Variants in RNPEPL1 observed in about 807,000 individuals in gnomAD.
RNPEPL1 encodes aminopeptidase RNPEPL1.
RNPEPL1 carries 46 observed loss-of-function variants against 69.0 expected under a neutral mutation model. The ratio of observed to expected loss-of-function variants is 0.67; its 90% CI spans 0.53 to 0.85. RNPEPL1 has a LOEUF of 0.85. RNPEPL1 is among the 40% of genes least tolerant of loss of function. The pLI, the probability that RNPEPL1 is intolerant of heterozygous loss-of-function variation, is 0.00. For missense variants in RNPEPL1, 869 were observed against 992.5 expected (o/e 0.88, Z 1.67); for synonymous variants, 525 against 454.1 (o/e 1.16, Z -1.98).
chr2:240,572,288 C>A, intron 1 of RNPEPL1, 135 bp from the exon 2 acceptor site: 1 of 1,049,976 alleles, frequency 9.5e-7, no homozygotes, highest in Non-Finnish European at 1.4e-6. Flanking sequence ...TGGCTATTGG[C>A]CCTCGAACCC....
chr2:240,572,254 G>T (rs2125448788), intron 1 of RNPEPL1, among the ~76,000 whole-genome samples, 169 bp from the exon 2 acceptor site: 1 of 152,342 alleles, frequency 6.6e-6, no homozygotes, highest in South Asian at 2.1e-4. Flanking sequence ...TCCCTGCCCA[G>T]GCAGGCAAGT....
At position 240,568,918 on chromosome 2, in the gene RNPEPL1, C is replaced by A. The variant is rs904769163; in HGVS notation, c.332C>A (p.Pro111Gln). ...GCCTTCGCCTTCTCCGCCCCCGGGCCGGGGCCCGCGCCGCCGCCCCCGCTG... is the reference window on the plus strand; with the variant it reads ...GCCTTCGCCTTCTCCGCCCCCGGGCAGGGGCCCGCGCCGCCGCCCCCGCTG... ...PCAFAFSAPG[P>Q]GPAPPPPLPA... The change falls in exon 1 of 11, where the codon CCG becomes CAG. Residue 111 changes from proline (P) to glutamine (Q), a missense_variant. Transcript: ENST00000270357. This position sits in a 1 kb window ranked among gnomAD's most constrained non-coding sequence, Gnocchi z 6.2. The A allele has an allele frequency of 2.0e-4, 255 of 1,301,166 alleles. 1 individual carries two copies. The highest frequency in any genetic ancestry group is 2.4e-4 in the Non-Finnish European group (245 of 1,030,708). 80.6% of individuals were successfully genotyped at this position (1,301,166 alleles called of 1,614,324 possible). A position where few individuals can be genotyped will look rare whatever the true frequency, so the allele number is the denominator to read the frequency against.
chr2:240,568,578 C>A lies in RNPEPL1; in HGVS notation c.-9C>A. ...CGCCGCCCATGGATTTCACCTAGTG[C>A]CGGCGGCCATGGCCGCGCAGTGCTG... On this transcript the variant is annotated 5_prime_UTR_variant, in exon 1 of 11. Coordinates refer to ENST00000270357, the MANE Select transcript of RNPEPL1 (RefSeq NM_018226.6). The surrounding 1 kb of genome is among the most constrained non-coding windows in gnomAD (Gnocchi z 6.2). 1.0e-6 allele frequency: 1 copy of A among 979,602 alleles called. No individual in the cohort carries two copies. Among genetic ancestry groups the A allele is most frequent in the Non-Finnish European group, 1.2e-6 (1 of 827,506 alleles). The allele number at this position is 979,602 out of a possible 1,614,324, so 60.7% of individuals were successfully genotyped here.
Position 240,575,123 on chromosome 2 carries a change from G to A in RNPEPL1, c.1382G>A (p.Arg461His), listed in dbSNP as rs754035762. 103 of 1,613,486 alleles carry A rather than the reference G, an allele frequency of 6.4e-5. No individual in the cohort carries two copies. Among genetic ancestry groups the A allele is most frequent in the South Asian group, 5.6e-4 (51 of 91,082 alleles). ...TCCCAGCTCTGCGGAGACCCACAGC[G>A]CTTTGATGACTTTCTCCGAGTGAGC... ...YLSQLCGDPQ[R>H]FDDFLRAYVE... is the part of the protein sequence containing the mutation. Residue 461 changes from arginine to histidine, a missense_variant, in exon 7 of 11, where the codon CGC (arginine) becomes CAC (histidine). Arg to His is a conservative substitution (Grantham distance 29). This residue lies in a region of RNPEPL1 where 610 missense variants were observed against 790.9 expected (regional missense o/e 0.77). Transcript: ENST00000270357.
chr2:240,575,663 CG>C lies in RNPEPL1; in HGVS notation c.1510+57del, dbSNP rs1559417493. The C allele has an allele frequency of 1.4e-5, 20 of 1,448,818 alleles. No homozygotes were observed. The African/African-American group carries it at 2.4e-4, about 17-fold the overall frequency. The allele number at this position is 1,448,818 out of a possible 1,614,324, so 89.7% of individuals were successfully genotyped here. A position where few individuals can be genotyped will look rare whatever the true frequency, so the allele number is the denominator to read the frequency against. ...AGGGAGCCGTGGGTATGATGGCAGG[CG>C]GGGCCTCTGCTGCCTGAGGGGCCAC... is the stretch of plus-strand genomic sequence containing the variant. On this transcript the variant is annotated intron_variant, in intron 8 of 10. Coordinates refer to ENST00000270357, the MANE Select transcript of RNPEPL1 (RefSeq NM_018226.6).
intron 1 of RNPEPL1, among the ~76,000 whole-genome samples, chr2:240,570,365 G>A (rs577978489): frequency 1.3e-5 from 2 of 152,226 alleles, no homozygotes; most frequent in Non-Finnish European, 2.9e-5. Context: ...CCAAGTCTGC[G>A]TGGTGTCAGG....
intron 7 of RNPEPL1, 45 bp from the exon 8 acceptor site, chr2:240,575,457 G>GC (rs2093034867): frequency 6.5e-7 from 1 of 1,540,294 alleles, no homozygotes; most frequent in Non-Finnish European, 9.0e-7. Flanking sequence ...GGCTGCCTGT[G>GC]CCCCACCCTT....
At chr2:240,569,290 C>G in intron 1 of RNPEPL1, 176 bp downstream of exon 1, 1 of 658,030 alleles carries the variant, frequency 1.5e-6, no homozygotes, top group Non-Finnish European at 2.3e-6. Flanking sequence ...GGATAGAAGC[C>G]GGAGTCCTGC....
intron 7 of RNPEPL1, 63 bp downstream of exon 7, chr2:240,575,205 C>A: frequency 7.7e-7 from 1 of 1,306,558 alleles, no homozygotes; most frequent in Non-Finnish European, 1.1e-6. Context: ...CCCCGGCTCA[C>A]AGGGCTGCCT....
Position 240,573,224 on chromosome 2 carries a change from G to T in RNPEPL1, c.784G>T (p.Val262Leu). Residue 262 changes from valine to leucine, a missense_variant, in exon 3 of 11, where the codon GTG (valine) becomes TTG (leucine). By Grantham distance (32) the Val-to-Leu change is conservative (BLOSUM62 1). This residue lies in a region of RNPEPL1 where 610 missense variants were observed against 790.9 expected (regional missense o/e 0.77). Transcript: ENST00000270357. ...HPVPAYLVALVAGDLKPADIG... is the reference protein window; with the variant it reads ...HPVPAYLVALLAGDLKPADIG... ...CGTGCCCGCCTACCTCGTGGCCCTG[G>T]TGGCCGGAGACCTCAAGCCGGCAGA... 6.3e-7 allele frequency: 1 copy of T among 1,575,692 alleles called. No individual in the cohort carries two copies. Among genetic ancestry groups the T allele is most frequent in the Non-Finnish European group, 8.6e-7 (1 of 1,161,056 alleles).
At position 240,574,358 on chromosome 2, in the gene RNPEPL1, G is replaced by T; in HGVS notation, c.1174+10G>T. 6.3e-7 allele frequency: 1 copy of T among 1,591,424 alleles called. No homozygotes were observed. Among genetic ancestry groups the T allele is most frequent in the South Asian group, 1.1e-5 (1 of 90,452 alleles). ...ACCACCGAGACCTACGGTGCGGCCAGGGCCGGGGAGGGCAGCCACGGGGGG... is the reference window on the plus strand; with the variant it reads ...ACCACCGAGACCTACGGTGCGGCCATGGCCGGGGAGGGCAGCCACGGGGGG... On this transcript the variant is annotated intron_variant, in intron 5 of 10. Transcript: ENST00000270357.
chr2:240,575,429 C>A, intron 7 of RNPEPL1, 73 bp from the exon 8 acceptor site: 2 of 1,293,274 alleles, frequency 1.5e-6, no homozygotes, highest in Non-Finnish European at 2.2e-6. Flanking sequence ...CCTGCAGTGC[C>A]CTGCAGGCCT....
Position 240,578,660 on chromosome 2 carries a change from G to C in RNPEPL1, c.*768G>C, listed in dbSNP as rs2093045279. 6.6e-6 allele frequency: 1 copy of C among 152,490 alleles called. No homozygotes were observed. 9.4% of individuals were successfully genotyped at this position (152,490 alleles called of 1,614,324 possible). On this transcript the variant is annotated 3_prime_UTR_variant, in exon 11 of 11. Transcript: ENST00000270357. Reference sequence around the variant, plus strand: ...CTGGGAGAGGCGGCCAGAGCCTGGGGCCTCCAGCCTGGGACTGCTGTGATG... The same window carrying C: ...CTGGGAGAGGCGGCCAGAGCCTGGGCCCTCCAGCCTGGGACTGCTGTGATG...
Position 240,574,356 on chromosome 2 carries a change from C to T in RNPEPL1, c.1174+8C>T. 1 of 1,594,868 alleles carries T rather than the reference C, an allele frequency of 6.3e-7. No individual in the cohort carries two copies. Among genetic ancestry groups the T allele is most frequent in the Non-Finnish European group, 8.5e-7 (1 of 1,174,992 alleles). The stretch of plus-strand genomic sequence containing the variant: ...TCACCACCGAGACCTACGGTGCGGC[C>T]AGGGCCGGGGAGGGCAGCCACGGGG... On this transcript the variant is annotated splice_region_variant and intron_variant, in intron 5 of 10. Coordinates refer to ENST00000270357, the MANE Select transcript of RNPEPL1 (RefSeq NM_018226.6).
chr2:240,573,998 C>A (rs1189700840), intron 4 of RNPEPL1, 107 bp downstream of exon 4: 65 of 1,369,226 alleles, frequency 4.7e-5, no homozygotes, highest in South Asian at 3.3e-4. Flanking sequence ...GGGGAGGAAG[C>A]GGAGCTCACC....
intron 7 of RNPEPL1, 59 bp from the exon 8 acceptor site, chr2:240,575,443 G>A (rs1463024469): frequency 6.6e-5 from 95 of 1,448,730 alleles, no homozygotes; most frequent in Non-Finnish European, 8.8e-5. Flanking sequence ...CAGGCCTCTG[G>A]TGGGGCTGCC....
At chr2:240,573,072 CGGTG>C in intron 2 of RNPEPL1, 34 bp from the exon 3 acceptor site, 1 of 1,553,020 alleles carries the variant, frequency 6.4e-7, no homozygotes, top group Non-Finnish European at 8.7e-7. Context: ...GGTGTGCTGA[CGGTG>C]GGGCCACCCG....
At position 240,578,023 on chromosome 2, in the gene RNPEPL1, C is replaced by T; in HGVS notation, c.*131C>T. 1.1e-6 allele frequency: 1 copy of T among 923,808 alleles called. No homozygotes were observed. Among genetic ancestry groups the T allele is most frequent in the East Asian group, 2.9e-5 (1 of 34,320 alleles). 57.2% of individuals were successfully genotyped at this position (923,808 alleles called of 1,614,324 possible). A position where few individuals can be genotyped will look rare whatever the true frequency, so the allele number is the denominator to read the frequency against. On this transcript the variant is annotated 3_prime_UTR_variant, in exon 11 of 11. Coordinates refer to ENST00000270357, the MANE Select transcript of RNPEPL1 (RefSeq NM_018226.6). Reference sequence around the variant, plus strand: ...GGCCCACAAGCCCCTCCCCTGGGCTCTCCCAGGCAGGGAGAATGGGGAGAG... The same window carrying T: ...GGCCCACAAGCCCCTCCCCTGGGCTTTCCCAGGCAGGGAGAATGGGGAGAG...
In RNPEPL1 at chr2:240,580,667, C is replaced by T. The variant is rs1162432176; in HGVS notation, c.*2775C>T. On this transcript the variant is annotated 3_prime_UTR_variant, in exon 11 of 11. Transcript: ENST00000270357. ...GGAAGTTCTAAGGGGCCTACAACCA[C>T]AGGGGCTGCAACCCCACCATATGCA... 6.6e-6 allele frequency: 1 copy of T among 152,218 alleles called. No homozygotes were observed. The highest frequency in any genetic ancestry group is 1.5e-5 in the Non-Finnish European group (1 of 68,056). The allele number at this position is 152,218 out of a possible 1,614,324, so 9.4% of individuals were successfully genotyped here.
Sources: allele counts gnomAD v4.1 joint callset (sites outside exome capture counted in the v4.1 genomes callset), GRCh38; gene constraint gnomAD v4.1.1; regional missense constraint gnomAD v4.1.1; non-coding constraint Gnocchi (gnomAD v3.1); transcripts MANE v1.5; gene names NCBI Gene and HGNC (gene_info 2026-07-23, HGNC 2026-07-21).